The following MEGF10 variants were observed in gnomAD, a reference collection of about 807,000 sequenced individuals.
MEGF10 encodes multiple epidermal growth factor-like domains protein 10.
In MEGF10, 86 loss-of-function variants were observed where a neutral mutation model predicts 147.5. That is an observed-to-expected ratio of 0.58 (90% CI 0.49 to 0.70). MEGF10 has a LOEUF of 0.70. Among genes scored for constraint, MEGF10 ranks in the 30% least tolerant of loss-of-function variants. The pLI is 0.00. For missense variants in MEGF10, 1,329 were observed against 1,487.3 expected (o/e 0.89, Z 1.75); for synonymous variants, 478 against 525.5 (o/e 0.91, Z 1.24).
At chr5:127,449,020 C>A (rs1419342822) in intron 21 of MEGF10, 79 bp from the exon 22 acceptor site, 3 of 1,564,758 alleles carry the variant, frequency 1.9e-6, no homozygotes, top group South Asian at 1.2e-5. Flanking sequence ...GTGCCCTGGA[C>A]TTTTCCCCAG....
At chr5:127,298,087 G>A (rs1759590163) in intron 1 of MEGF10, among the ~76,000 whole-genome samples, 1 of 152,144 alleles carries the variant, frequency 6.6e-6, no homozygotes, top group Non-Finnish European at 1.5e-5. Flanking sequence ...TTAAGGTTTG[G>A]GACTATGGAA....
At position 127,382,896 on chromosome 5, in the gene MEGF10, T is replaced by C. The variant is rs190744823; in HGVS notation, c.412+12894T>C. Among the ~76,000 whole-genome samples, 447 of 152,302 alleles carry C rather than the reference T, an allele frequency of 2.9e-3. 2 individuals are homozygous for C. Among genetic ancestry groups the C allele is most frequent in the Non-Finnish European group, 4.4e-3 (302 of 68,010 alleles). On this transcript the variant is annotated intron_variant, in intron 5 of 24. Coordinates refer to ENST00000503335, the MANE Select transcript of MEGF10 (RefSeq NM_001256545.2). Reference sequence around the variant, plus strand: ...TACATAATAAAGAAACAAGATGTCATTTCTCACCATCAGATTGGCAATGGT... The same window carrying C: ...TACATAATAAAGAAACAAGATGTCACTTCTCACCATCAGATTGGCAATGGT...
At chr5:127,394,651 AT>A (rs1342562188) in intron 5 of MEGF10, among the ~76,000 whole-genome samples, 1 of 152,178 alleles carries the variant, frequency 6.6e-6, no homozygotes, top group Non-Finnish European at 1.5e-5. Flanking sequence ...GATTAAAAGA[AT>A]TACAGTGGAA....
chr5:127,447,279 G>A (rs1198545703), intron 20 of MEGF10, among the ~76,000 whole-genome samples: 16 of 152,118 alleles, frequency 1.1e-4, no homozygotes, highest in African/African-American at 3.6e-4. Context: ...GGGTTCAAGC[G>A]ATTCTTCTGC....
At chr5:127,232,318 T>G in the MEGF10 span, among the ~76,000 whole-genome samples, 2 of 152,232 alleles carry the variant, frequency 1.3e-5, no homozygotes, top group African/African-American at 4.8e-5. Flanking sequence ...CCAACGAAAT[T>G]ATCTTCCTCA....
At chr5:127,232,364 C>T in the MEGF10 span, among the ~76,000 whole-genome samples, 1 of 152,150 alleles carries the variant, frequency 6.6e-6, no homozygotes, top group African/African-American at 2.4e-5. Flanking sequence ...CTGAATGGAG[C>T]TTTAAAGTGC....
chr5:127,432,600 CTT>C (rs1393346941), intron 13 of MEGF10, among the ~76,000 whole-genome samples: 1 of 152,134 alleles, frequency 6.6e-6, no homozygotes, highest in East Asian at 1.9e-4. Context: ...ACAGAAGAGA[CTT>C]TTATTTATCT....
At chr5:127,436,453 C>T (rs1292532531) in intron 16 of MEGF10, among the ~76,000 whole-genome samples, 3 of 152,084 alleles carry the variant, frequency 2.0e-5, no homozygotes, top group Middle Eastern at 3.4e-3. Flanking sequence ...AAGTGTTATG[C>T]GATATGATTT....
chr5:127,394,534 T>G (rs1279383587), intron 5 of MEGF10, among the ~76,000 whole-genome samples: 3 of 152,164 alleles, frequency 2.0e-5, no homozygotes, highest in African/African-American at 7.2e-5. Context: ...GTAATTTGTT[T>G]TGGAGTCCCT....
At chr5:127,248,772 G>T in the MEGF10 span, among the ~76,000 whole-genome samples, 1 of 151,340 alleles carries the variant, frequency 6.6e-6, no homozygotes, top group African/African-American at 2.4e-5. Flanking sequence ...AAAGGGAAAG[G>T]AGAATGAATC....
the MEGF10 span, among the ~76,000 whole-genome samples, chr5:127,280,049 T>C: frequency 6.6e-6 from 1 of 152,228 alleles, no homozygotes; most frequent in African/African-American, 2.4e-5. Context: ...TATATTATTA[T>C]ATTGTATTAA....
chr5:127,443,910 T>C (rs1234334664), intron 19 of MEGF10, among the ~76,000 whole-genome samples: 1 of 152,180 alleles, frequency 6.6e-6, no homozygotes, highest in Non-Finnish European at 1.5e-5. Context: ...GTGAATCCAG[T>C]TTTTGCATGG....
intron 4 of MEGF10, among the ~76,000 whole-genome samples, chr5:127,342,141 T>A (rs574562867): frequency 6.6e-6 from 1 of 152,284 alleles, no homozygotes; most frequent in South Asian, 2.1e-4. Flanking sequence ...ATGTTTATAA[T>A]CAAACATCTT....
chr5:127,336,951 A>G (rs1456120531), intron 2 of MEGF10, among the ~76,000 whole-genome samples: 1 of 152,140 alleles, frequency 6.6e-6, no homozygotes, highest in Non-Finnish European at 1.5e-5. Flanking sequence ...ACAGAGATAT[A>G]ATGCTGTAGG....
intron 8 of MEGF10, among the ~76,000 whole-genome samples, chr5:127,406,330 C>T (rs1379419467): frequency 6.6e-6 from 1 of 152,186 alleles, no homozygotes; most frequent in South Asian, 2.1e-4. Context: ...ACTTGCTTCT[C>T]GACCTGCTGC....
At chr5:127,257,164 A>G in the MEGF10 span, among the ~76,000 whole-genome samples, 1 of 152,096 alleles carries the variant, frequency 6.6e-6, no homozygotes, top group Non-Finnish European at 1.5e-5. Context: ...GCTACTTCTT[A>G]TAGATGAAAA....
chr5:127,233,978 G>T, the MEGF10 span, among the ~76,000 whole-genome samples: 2 of 152,126 alleles, frequency 1.3e-5, no homozygotes. Context: ...GGCCTTCTGC[G>T]TAGGGAGAAA....
intron 11 of MEGF10, 90 bp from the exon 12 acceptor site, chr5:127,419,954 G>A (rs898831620): frequency 4.1e-5 from 60 of 1,456,634 alleles, no homozygotes; most frequent in Middle Eastern, 2.4e-4. Flanking sequence ...TCTCCAAGGC[G>A]TTTCTAAAGA....
In MEGF10 at chr5:127,309,994, T is replaced by TTTCC. The variant is rs1554089026; in HGVS notation, c.-19+18953_-19+18956dup. Among the ~76,000 whole-genome samples the TTTCC allele has an allele frequency of 1.1e-3, 62 of 56,862 alleles. 7 individuals carry two copies. Among genetic ancestry groups the TTTCC allele is most frequent in the African/African-American group, 3.9e-3 (57 of 14,506 alleles). 37.3% of individuals were successfully genotyped at this position (56,862 alleles called of 152,430 possible). A position where few individuals can be genotyped will look rare whatever the true frequency, so the allele number is the denominator to read the frequency against. On this transcript the variant is annotated intron_variant, in intron 1 of 24. Transcript: ENST00000503335. ...CTTTCTTTCTTTCTTTCTTTCTTTC[T>TTTCC]TTCCTTCCTTCCTTCCTTTCTTTTT... is the stretch of plus-strand genomic sequence containing the variant.
Sources: gnomAD v4.1 joint callset for allele counts (sites outside exome capture counted in the v4.1 genomes callset) on GRCh38, gnomAD v4.1.1 for gene constraint, MANE v1.5 for transcripts, NCBI Gene and HGNC (gene_info 2026-07-23, HGNC 2026-07-21) for gene names.